The following DPT variants were observed in gnomAD, a reference collection of about 807,000 sequenced individuals.
DPT encodes tyrosine-rich acidic matrix protein.
In DPT, 21 loss-of-function variants were observed where a neutral mutation model predicts 31.2. The observed-to-expected ratio is 0.67, with a 90% CI of 0.48 to 0.97. The LOEUF (loss-of-function observed/expected upper bound fraction) is 0.97, where lower values mean the gene tolerates loss of function less well. Among genes scored for constraint, DPT ranks in the 50% least tolerant of loss-of-function variants. The probability of loss-of-function intolerance (pLI) is 0.00; values close to 1 mark genes in which losing one functional copy is unlikely to be tolerated. For synonymous variants in DPT, 91 were observed against 86.9 expected, an observed-to-expected ratio of 1.05 and a Z score of -0.26; for missense variants, 262 against 258.8, an observed-to-expected ratio of 1.01 and a Z score of -0.08.
At chr1:168,713,986 C>T (rs964789032) in intron 2 of DPT, among the ~76,000 whole-genome samples, 10 of 152,082 alleles carry the variant, frequency 6.6e-5, no homozygotes, top group African/African-American at 2.2e-4. Flanking sequence ...CAGTCAGTGC[C>T]GGCTCTATGG....
Position 168,698,596 on chromosome 1 carries a change from G to T in DPT, c.540-1981C>A, listed in dbSNP as rs1170675329. On this transcript the variant is annotated intron_variant, in intron 3 of 3. Transcript: ENST00000367817. ...CTCTGATTTCACACCAGGACAGTGGGGGCAAATTTGCTCCCCAAGGGAATA... is the reference window on the plus strand; with the variant it reads ...CTCTGATTTCACACCAGGACAGTGGTGGCAAATTTGCTCCCCAAGGGAATA... 5.9e-5 allele frequency among the ~76,000 whole-genome samples: 9 copies of T among 152,142 alleles called. No individual in the cohort carries two copies. The South Asian group carries it at 1.7e-3, about 28-fold the overall frequency.
intron 2 of DPT, among the ~76,000 whole-genome samples, chr1:168,709,874 C>T (rs1649812677): frequency 6.6e-6 from 1 of 152,164 alleles, no homozygotes; most frequent in Admixed American, 6.5e-5. Context: ...CTCTGTAAGG[C>T]TGTTAAAAGG....
chr1:168,721,957 AC>A (rs1650125053), intron 1 of DPT, among the ~76,000 whole-genome samples: 1 of 152,220 alleles, frequency 6.6e-6, no homozygotes. Flanking sequence ...AGCAGAAATG[AC>A]CTGCAGAACA....
chr1:168,710,229 T>A (rs1649820136), intron 2 of DPT, among the ~76,000 whole-genome samples: 1 of 152,214 alleles, frequency 6.6e-6, no homozygotes, highest in Non-Finnish European at 1.5e-5. Context: ...GCTTCTCCAA[T>A]GTTTTCTTTG....
chr1:168,714,203 G>C lies in DPT; in HGVS notation c.431+18C>G. The C allele has an allele frequency of 6.2e-7, 1 of 1,613,994 alleles. No individual in the cohort carries two copies. The highest frequency in any genetic ancestry group is 8.5e-7 in the Non-Finnish European group (1 of 1,179,948). On this transcript the variant is annotated intron_variant, in intron 2 of 3. Coordinates refer to ENST00000367817, the MANE Select transcript of DPT (RefSeq NM_001937.5). ...CCACCCCAGGAGTCATGAGGGTTTG[G>C]TCGGCTGCCAGACTCACCAGCAGGA... is the stretch of plus-strand genomic sequence containing the variant.
intron 1 of DPT, among the ~76,000 whole-genome samples, chr1:168,725,818 C>G (rs907804141): frequency 6.6e-6 from 1 of 152,154 alleles, no homozygotes; most frequent in Non-Finnish European, 1.5e-5. Flanking sequence ...AGCCTATATT[C>G]GAGACTCCTC....
At chr1:168,708,273 C>T (rs1010205697) in intron 2 of DPT, among the ~76,000 whole-genome samples, 7 of 151,998 alleles carry the variant, frequency 4.6e-5, no homozygotes, top group Non-Finnish European at 7.4e-5. Context: ...ATATGGAGTG[C>T]CAATTGTACA....
At chr1:168,696,662 G>T in intron 3 of DPT, 47 bp from the exon 4 acceptor site, 2 of 1,556,376 alleles carry the variant, frequency 1.3e-6, no homozygotes, top group South Asian at 2.3e-5. Context: ...GAAAGGACAT[G>T]GCAGGAAGAA....
intron 2 of DPT, 97 bp from the exon 3 acceptor site, chr1:168,701,221 C>T: frequency 1.1e-6 from 1 of 945,808 alleles, no homozygotes. Context: ...GGAGTTTGAG[C>T]ATCCTGGCAA....
chr1:168,724,879 A>G (rs1468271848), intron 1 of DPT, among the ~76,000 whole-genome samples: 1 of 152,126 alleles, frequency 6.6e-6, no homozygotes, highest in East Asian at 1.9e-4. Flanking sequence ...TTGTCATTGA[A>G]TTCATAAACT....
chr1:168,727,793 C>A (rs112653086), intron 1 of DPT, among the ~76,000 whole-genome samples: 9 of 152,212 alleles, frequency 5.9e-5, no homozygotes, highest in African/African-American at 1.9e-4. Context: ...CCTCCCCAGC[C>A]TCCCAAAGTG....
chr1:168,725,355 C>T lies in DPT; in HGVS notation c.305+3515G>A, dbSNP rs537823396. ...CTCTCTCTCTTTCTTTCTTTCTTCT[C>T]TTTCTTTTTTGCCAGAATGAGATAC... On this transcript the variant is annotated intron_variant, in intron 1 of 3. Transcript: ENST00000367817. Among the ~76,000 whole-genome samples the T allele has an allele frequency of 5.3e-5, 8 of 149,954 alleles. No individual in the cohort carries two copies. In the South Asian group the frequency reaches 1.7e-3, roughly 32 times the overall value.
chr1:168,711,156 G>T (rs1649851118), intron 2 of DPT, among the ~76,000 whole-genome samples: 1 of 149,248 alleles, frequency 6.7e-6, no homozygotes, highest in African/African-American at 2.5e-5. Context: ...GACTACAGGT[G>T]CCTGCCACCA....
chr1:168,697,310 AC>A (rs1649488020), intron 3 of DPT, among the ~76,000 whole-genome samples: 1 of 152,152 alleles, frequency 6.6e-6, no homozygotes, highest in Non-Finnish European at 1.5e-5. Context: ...CCATTTTCCC[AC>A]TGACTCTTTC....
chr1:168,700,637 A>G (rs746018004), intron 3 of DPT, among the ~76,000 whole-genome samples: 4 of 152,068 alleles, frequency 2.6e-5, no homozygotes, highest in Non-Finnish European at 5.9e-5. Flanking sequence ...AGTGAGGGGA[A>G]AAGCTTAGAC....
intron 1 of DPT, among the ~76,000 whole-genome samples, chr1:168,720,278 T>C (rs10918965): frequency 0.41 from 62,780 of 151,912 alleles, 14,337 homozygotes; most frequent in African/African-American, 0.59. Flanking sequence ...TCAAGAAATA[T>C]AATAAATCTC....
At chr1:168,698,171 C>G (rs1485338891) in intron 3 of DPT, among the ~76,000 whole-genome samples, 2 of 152,184 alleles carry the variant, frequency 1.3e-5, no homozygotes, top group Non-Finnish European at 2.9e-5. Context: ...AAGCAGGGCT[C>G]ACTCTGCTCA....
intron 1 of DPT, among the ~76,000 whole-genome samples, chr1:168,721,285 G>C (rs1339487294): frequency 6.6e-6 from 1 of 152,164 alleles, no homozygotes; most frequent in East Asian, 1.9e-4. Context: ...CCCTTCTGCT[G>C]ATATTTATAC....
In DPT at chr1:168,729,065, C is replaced by A. The variant is rs565275697; in HGVS notation, c.110G>T (p.Gly37Val). The change falls in exon 1 of 4, where the codon GGG (glycine) becomes GTG (valine). Residue 37 changes from glycine to valine, a missense_variant. By Grantham distance (109) the Gly-to-Val change is moderately radical. Transcript: ENST00000367817. ...YQQYHDYSDD[G>V]WVNLNRQGFS... ...GCCTTGCCGGTTCAAATTCACCCAC[C>A]CATCATCGCTGTAGTCATGATACTG... 5.6e-4 allele frequency: 911 copies of A among 1,614,232 alleles called. 13 individuals carry two copies. The South Asian group carries it at 9.5e-3, about 17-fold the overall frequency.
Sources: allele counts gnomAD v4.1 joint callset (sites outside exome capture counted in the v4.1 genomes callset), GRCh38; gene constraint gnomAD v4.1.1; transcripts MANE v1.5; gene names NCBI Gene and HGNC (gene_info 2026-07-23, HGNC 2026-07-21).